The following WBP2 variants were observed in gnomAD, a reference collection of about 807,000 sequenced individuals.
WBP2 encodes WW domain-binding protein 2.
WBP2 carries 23 observed loss-of-function variants against 33.0 expected under a neutral mutation model. The ratio of observed to expected loss-of-function variants is 0.70; its 90% CI spans 0.50 to 0.99. The LOEUF (loss-of-function observed/expected upper bound fraction) is 0.99. WBP2 is among the 50% of genes least tolerant of loss of function. The probability of loss-of-function intolerance (pLI) is 0.00; values close to 1 mark genes in which losing one functional copy is unlikely to be tolerated. For synonymous variants in WBP2, 153 were observed against 133.5 expected (o/e 1.15, Z -1.01); for missense variants, 353 against 358.0 (o/e 0.99, Z 0.11).
intron 1 of WBP2, among the ~76,000 whole-genome samples, chr17:75,853,078 C>G (rs926322527): frequency 6.6e-6 from 1 of 152,138 alleles, no homozygotes; most frequent in Non-Finnish European, 1.5e-5. Flanking sequence ...GAGTTTCACT[C>G]TTGTTGCCCA....
intron 1 of WBP2, chr17:75,852,646 G>A (rs1194586639): frequency 8.4e-6 from 2 of 237,480 alleles, no homozygotes; most frequent in Admixed American, 6.5e-5. Flanking sequence ...TAGTAGAGAC[G>A]GGGTTTCACC....
Position 75,849,734 on chromosome 17 carries a change from G to A in WBP2, c.174C>T (p.Ile58=). ...TGGCATCCTTGCCCTTGGACAGAAA[G>A]ATGACCTGCAGGGAGAGAGGGTGAG... The part of the protein sequence containing the change: ...GTVYLTPYRV[I]FLSKGKDAMQ... Residue 58 remains isoleucine (I), a synonymous_variant, in exon 3 of 8, where the codon ATC becomes ATT. Coordinates refer to ENST00000254806, the MANE Select transcript of WBP2 (RefSeq NM_012478.4). 6.2e-7 allele frequency: 1 copy of A among 1,614,054 alleles called. No homozygotes were observed. Among genetic ancestry groups the A allele is most frequent in the East Asian group, 2.2e-5 (1 of 44,888 alleles).
chr17:75,846,844 A>T lies in WBP2; in HGVS notation c.733-57T>A, dbSNP rs139164383. ...AGAAGGTTTAAAACATGGTGCGGTC[A>T]TCCCCCTGCGGCTCCCAGCATCTGC... On this transcript the variant is annotated intron_variant, in intron 7 of 7. Transcript: ENST00000254806. The surrounding 1 kb of genome is among the most constrained non-coding windows in gnomAD (Gnocchi z 4.8). The T allele has an allele frequency of 6.2e-7, 1 of 1,611,640 alleles. No homozygotes were observed. The highest frequency in any genetic ancestry group is 8.5e-7 in the Non-Finnish European group (1 of 1,178,782).
At chr17:75,855,374 T>G, upstream of WBP2, 15 of 1,536,266 alleles carry the variant, frequency 9.8e-6, no homozygotes, top group Non-Finnish European at 1.3e-5. Context: ...TAGTGGCGTC[T>G]TCTTATTAGA....
Position 75,855,197 on chromosome 17 carries a change from C to A in WBP2, c.59+42G>T, listed in dbSNP as rs202035844. The A allele has an allele frequency of 1.9e-6, 3 of 1,538,882 alleles. No homozygotes were observed. The Admixed American group carries it at 5.2e-5, about 27-fold the overall frequency. ...CCACCCACCGCCCACTTCCTCGACA[C>A]CCGAACTTTGGTCCTCCAGGATCCT... On this transcript the variant is annotated intron_variant, in intron 1 of 7. Coordinates refer to ENST00000254806, the MANE Select transcript of WBP2 (RefSeq NM_012478.4).
chr17:75,849,870 G>T, intron 2 of WBP2, 131 bp from the exon 3 acceptor site: 1 of 1,277,546 alleles, frequency 7.8e-7, no homozygotes. Flanking sequence ...CTCTCTCTGT[G>T]CCAGACACTC....
chr17:75,851,455 C>T (rs1031256763), intron 2 of WBP2, 113 bp downstream of exon 2: 6 of 755,920 alleles, frequency 7.9e-6, no homozygotes, highest in Non-Finnish European at 1.4e-5. Context: ...CTAACACTCA[C>T]CAGGATTCAG....
At chr17:75,855,576 G>C (rs1304840116), upstream of WBP2, 11 of 506,202 alleles carry the variant, frequency 2.2e-5, no homozygotes, top group African/African-American at 3.8e-5. Context: ...TCTGGAACTT[G>C]TAGTCTCCTG....
rs1304483601 is a variant in WBP2 at position 75,855,276 on chromosome 17, A to G, written c.22T>C (p.Ser8Pro). Residue 8 changes from serine to proline, a missense_variant, in exon 1 of 8, where the codon TCG (serine) becomes CCG (proline). Physicochemically the swap from Ser to Pro is moderately conservative, Grantham distance 74 (BLOSUM62 -1). Coordinates refer to ENST00000254806, the MANE Select transcript of WBP2 (RefSeq NM_012478.4). MALNKNH[S>P]EGGGVIVNNT... ...TTGACGATCACTCCGCCGCCCTCCG[A>G]GTGATTCTTGTTGAGCGCCATAGTC... 1 of 1,611,020 alleles carries G rather than the reference A, an allele frequency of 6.2e-7. No homozygotes were observed. Among genetic ancestry groups the G allele is most frequent in the Non-Finnish European group, 8.5e-7 (1 of 1,179,344 alleles).
rs1327617814 is a variant in WBP2 at position 75,855,309 on chromosome 17, C to A, written c.-12G>T. ...TTGTTGAGCGCCATAGTCTCTCCAA[C>A]AGGGGTCCCGAGACTCAAAACGCAA... On this transcript the variant is annotated 5_prime_UTR_variant, in exon 1 of 8. Transcript: ENST00000254806. 1 of 1,611,948 alleles carries A rather than the reference C, an allele frequency of 6.2e-7. No individual in the cohort carries two copies. Among genetic ancestry groups the A allele is most frequent in the Non-Finnish European group, 8.5e-7 (1 of 1,179,968 alleles).
upstream of WBP2, chr17:75,855,559 G>A (rs1032577711): frequency 3.8e-6 from 2 of 532,566 alleles, no homozygotes; most frequent in Non-Finnish European, 6.8e-6. Context: ...CTGGAGGAAG[G>A]ATGCATTCTG....
intron 1 of WBP2, among the ~76,000 whole-genome samples, chr17:75,853,630 G>C (rs2065040323): frequency 6.6e-6 from 1 of 152,180 alleles, no homozygotes; most frequent in African/African-American, 2.4e-5. Flanking sequence ...CAACAAAACA[G>C]TGTGAGGTGT....
In WBP2 at chr17:75,847,920, A is replaced by G; in HGVS notation, c.408T>C (p.Gly136=). 6.4e-7 allele frequency: 1 copy of G among 1,564,158 alleles called. No homozygotes were observed. ...MLQVASQASR[G]EVPSGAYGYS... ...AGCCATAGGCTCCACTGGGGACTTC[A>G]CCTCTGGAGGCTACGAGTACAAGGG... Residue 136 remains glycine, a synonymous_variant, in exon 5 of 8, where the codon GGT becomes GGC. Transcript: ENST00000254806.
intron 3 of WBP2, chr17:75,848,905 TC>T (rs965009069): frequency 3.6e-6 from 2 of 558,094 alleles, no homozygotes; most frequent in African/African-American, 3.8e-5. Flanking sequence ...GGCCTCTCCT[TC>T]CTGGAACAAG....
At chr17:75,855,360 C>T, upstream of WBP2, 1 of 1,576,190 alleles carries the variant, frequency 6.3e-7, no homozygotes, top group East Asian at 2.2e-5. Flanking sequence ...CTTCGCCCCG[C>T]CCCTAGTGGC....
Position 75,849,584 on chromosome 17 carries a change from C to A in WBP2, c.304+20G>T. On this transcript the variant is annotated intron_variant, in intron 3 of 7. Transcript: ENST00000254806. ...CCTCCCTGCAGGCCCCATGCGTGTCCCTGAGTTCCCATCACCTACCTCCCG... is the reference window on the plus strand; with the variant it reads ...CCTCCCTGCAGGCCCCATGCGTGTCACTGAGTTCCCATCACCTACCTCCCG... The A allele has an allele frequency of 6.2e-7, 1 of 1,613,700 alleles. No individual in the cohort carries two copies. Among genetic ancestry groups the A allele is most frequent in the Non-Finnish European group, 8.5e-7 (1 of 1,179,742 alleles).
chr17:75,849,888 G>T, intron 2 of WBP2, 149 bp from the exon 3 acceptor site: 1 of 1,175,368 alleles, frequency 8.5e-7, no homozygotes, highest in Non-Finnish European at 1.2e-6. Context: ...CTCCTGGAGA[G>T]AGCTTTGGAA....
intron 1 of WBP2, 142 bp from the exon 2 acceptor site, chr17:75,851,818 A>G: frequency 1.6e-6 from 1 of 612,378 alleles, no homozygotes; most frequent in South Asian, 1.6e-5. Flanking sequence ...AACTATTCAT[A>G]GGGCTGGGCG....
At chr17:75,849,549 TC>T in intron 3 of WBP2, 54 bp downstream of exon 3, 1 of 1,607,734 alleles carries the variant, frequency 6.2e-7, no homozygotes, top group Non-Finnish European at 8.5e-7. Context: ...AGTCAGAGGT[TC>T]CCAGGACACC....
Sources: allele counts gnomAD v4.1 joint callset (sites outside exome capture counted in the v4.1 genomes callset), GRCh38; gene constraint gnomAD v4.1.1; non-coding constraint Gnocchi (gnomAD v3.1); transcripts MANE v1.5; gene names NCBI Gene and HGNC (gene_info 2026-07-23, HGNC 2026-07-21).